The following ZSWIM5 variants were observed in gnomAD, a reference collection of about 807,000 sequenced individuals.
The protein encoded by ZSWIM5 is zinc finger SWIM-type containing 5, also known as zinc finger SWIM domain-containing protein 5.
Under a neutral mutation model 119.6 loss-of-function variants are expected in ZSWIM5, and 55 were observed. That is an observed-to-expected ratio of 0.46 (90% CI 0.37 to 0.58). The LOEUF (loss-of-function observed/expected upper bound fraction) is 0.58, where lower values mean the gene tolerates loss of function less well. Ranked by LOEUF, ZSWIM5 falls within the 20% of genes least tolerant of loss-of-function variation. The pLI is 0.00. For missense variants in ZSWIM5, 1,193 were observed against 1,512.8 expected (o/e 0.79, Z 3.51); for synonymous variants, 537 against 606.9 (o/e 0.88, Z 1.69).
At chr1:45,113,402 C>T (rs1264569483) in intron 1 of ZSWIM5, among the ~76,000 whole-genome samples, 2 of 152,104 alleles carry the variant, frequency 1.3e-5, no homozygotes, top group African/African-American at 4.8e-5. Context: ...CAGGGTCTTG[C>T]TGTGTTGCCT....
In ZSWIM5 at chr1:45,180,056, C is replaced by A. The variant is rs147564404; in HGVS notation, c.595+25700G>T. On this transcript the variant is annotated intron_variant, in intron 1 of 13. Transcript: ENST00000359600. Reference sequence around the variant, plus strand: ...TCCATCTGAGGTACCGGGTTCATCTCACTAGGGAGTGCCAGATAGTGGGCA... The same window carrying A: ...TCCATCTGAGGTACCGGGTTCATCTAACTAGGGAGTGCCAGATAGTGGGCA... Among the ~76,000 whole-genome samples the A allele has an allele frequency of 4.7e-3, 714 of 152,268 alleles. 10 individuals carry two copies. Among genetic ancestry groups the A allele is most frequent in the African/African-American group, 0.016 (673 of 41,562 alleles).
At chr1:45,152,470 C>T (rs1168563822) in intron 1 of ZSWIM5, among the ~76,000 whole-genome samples, 1 of 152,088 alleles carries the variant, frequency 6.6e-6, no homozygotes, top group African/African-American at 2.4e-5. Context: ...GCCATCTGAT[C>T]TTTGACAAAG....
intron 1 of ZSWIM5, among the ~76,000 whole-genome samples, chr1:45,095,324 A>G (rs931150245): frequency 6.6e-6 from 1 of 151,834 alleles, no homozygotes; most frequent in Non-Finnish European, 1.5e-5. Context: ...TGGGGTCTCA[A>G]TGTGTTGTCC....
chr1:45,104,849 G>C (rs1645460365), intron 1 of ZSWIM5, among the ~76,000 whole-genome samples: 1 of 152,194 alleles, frequency 6.6e-6, no homozygotes, highest in African/African-American at 2.4e-5. Context: ...TCAGCAGCCA[G>C]TGGTCTCTGT....
intron 2 of ZSWIM5, among the ~76,000 whole-genome samples, chr1:45,062,283 C>G (rs1645157026): frequency 6.6e-6 from 1 of 152,116 alleles, no homozygotes; most frequent in African/African-American, 2.4e-5. Flanking sequence ...TGCCTTACTC[C>G]TCGTCTCCCT....
intron 11 of ZSWIM5, 70 bp from the exon 12 acceptor site, chr1:45,020,858 A>G: frequency 6.6e-7 from 1 of 1,521,566 alleles, no homozygotes; most frequent in South Asian, 1.2e-5. Context: ...ACTGCAATAG[A>G]TACTCATTGA....
chr1:45,171,281 C>T (rs1044506907), intron 1 of ZSWIM5, among the ~76,000 whole-genome samples: 27 of 152,018 alleles, frequency 1.8e-4, no homozygotes, highest in African/African-American at 4.1e-4. Flanking sequence ...GTAATACAAA[C>T]GCCAAATACA....
intron 10 of ZSWIM5, 68 bp downstream of exon 10, chr1:45,035,620 G>A (rs1223375923): frequency 3.8e-6 from 6 of 1,562,536 alleles, no homozygotes; most frequent in African/African-American, 2.7e-5. Flanking sequence ...AGTGAAATAA[G>A]CAATGAAAAA....
In ZSWIM5 at chr1:45,167,413, G is replaced by T. The variant is rs572004510; in HGVS notation, c.595+38343C>A. On this transcript the variant is annotated intron_variant, in intron 1 of 13. Transcript: ENST00000359600. The stretch of plus-strand genomic sequence containing the variant: ...AATACCATTCAGGACATAGGCATGG[G>T]CAAGGACTTCATGTCTAAAACACCA... Among the ~76,000 whole-genome samples, 259 of 151,908 alleles carry T rather than the reference G, an allele frequency of 1.7e-3. 2 individuals are homozygous for T. The highest frequency in any genetic ancestry group is 4.9e-3 in the African/African-American group (203 of 41,380).
rs1646158266 is a variant in ZSWIM5 at position 45,201,509 on chromosome 1, T to TA, written c.595+4246_595+4247insT. The stretch of plus-strand genomic sequence containing the variant: ...TTCATATAACCCTCACCATAATAGA[T>TA]TACTGACAGTTAATGTCTTGTTTTT... On this transcript the variant is annotated intron_variant, in intron 1 of 13. Coordinates refer to ENST00000359600, the MANE Select transcript of ZSWIM5 (RefSeq NM_020883.2). 1.3e-5 allele frequency among the ~76,000 whole-genome samples: 2 copies of TA among 152,170 alleles called. 1 individual carries two copies. Among genetic ancestry groups the TA allele is most frequent in the Non-Finnish European group, 2.9e-5 (2 of 68,024 alleles).
chr1:45,193,955 T>TATATATATATATATATATATAC (rs1553202842), intron 1 of ZSWIM5, among the ~76,000 whole-genome samples: 1 of 151,678 alleles, frequency 6.6e-6, no homozygotes, highest in African/African-American at 2.4e-5. Context: ...TATATATATA[T>TATATATATATATATATATATAC]ACATACATGC....
intron 1 of ZSWIM5, among the ~76,000 whole-genome samples, chr1:45,137,607 C>T (rs1328260408): frequency 6.6e-6 from 1 of 152,102 alleles, no homozygotes; most frequent in Non-Finnish European, 1.5e-5. Flanking sequence ...ATGTGAATAT[C>T]TGAGTCAAAA....
At chr1:45,108,711 A>G (rs528658727) in intron 1 of ZSWIM5, among the ~76,000 whole-genome samples, 1 of 152,114 alleles carries the variant, frequency 6.6e-6, no homozygotes, top group East Asian at 1.9e-4. Flanking sequence ...AAATATTATT[A>G]TGTTAATGTT....
chr1:45,060,210 A>T lies in ZSWIM5; in HGVS notation c.990T>A (p.Asp330Glu), dbSNP rs1183968431. ...CTTCATCCAAATGCCAACAGTTCTC[A>T]TCGTCAATGCTGGCCCCAGCTGTGG... ...PDPTAGASID[D>E]ENCWHLDEEQ... The change falls in exon 3 of 14, where the codon GAT (aspartate) becomes GAA (glutamate). Residue 330 changes from aspartate (D) to glutamate (E), a missense_variant. Physicochemically the swap from Asp to Glu is conservative, Grantham distance 45 (BLOSUM62 2). This residue lies in a region of ZSWIM5 where 961 missense variants were observed against 1,290.0 expected (regional missense o/e 0.74). Transcript: ENST00000359600. The T allele has an allele frequency of 6.2e-7, 1 of 1,613,220 alleles. No homozygotes were observed. Among genetic ancestry groups the T allele is most frequent in the Admixed American group, 1.7e-5 (1 of 60,010 alleles).
rs940620775 is a variant in ZSWIM5 at position 45,016,908 on chromosome 1, A to G, written c.*1546T>C. ...AGACAGGACTGCCCACTAGGGCTAG[A>G]AATTAGGAAGGGAGAGGCTAAGTGC... On this transcript the variant is annotated 3_prime_UTR_variant, in exon 14 of 14. Coordinates refer to ENST00000359600, the MANE Select transcript of ZSWIM5 (RefSeq NM_020883.2). 6.6e-6 allele frequency: 1 copy of G among 152,314 alleles called. No homozygotes were observed. Among genetic ancestry groups the G allele is most frequent in the Non-Finnish European group, 1.5e-5 (1 of 68,076 alleles). 9.4% of individuals were successfully genotyped at this position (152,314 alleles called of 1,614,324 possible). A position where few individuals can be genotyped will look rare whatever the true frequency, so the allele number is the denominator to read the frequency against.
At chr1:45,045,175 A>T (rs1645046918) in intron 5 of ZSWIM5, among the ~76,000 whole-genome samples, 1 of 151,982 alleles carries the variant, frequency 6.6e-6, no homozygotes, top group South Asian at 2.1e-4. Flanking sequence ...CAAATGGAAG[A>T]TATCTTGCCA....
At chr1:45,040,262 G>T in intron 7 of ZSWIM5, 130 bp downstream of exon 7, 1 of 1,001,714 alleles carries the variant, frequency 1.0e-6, no homozygotes, top group South Asian at 2.2e-5. Context: ...CATTCATAAA[G>T]ATAAAGTGAG....
At chr1:45,046,748 A>G (rs1645057409) in intron 5 of ZSWIM5, among the ~76,000 whole-genome samples, 1 of 151,734 alleles carries the variant, frequency 6.6e-6, no homozygotes. Context: ...GGTGGTAGCC[A>G]GGCGCGGTGG....
intron 1 of ZSWIM5, among the ~76,000 whole-genome samples, chr1:45,127,781 A>G (rs149779955): frequency 3.4e-3 from 514 of 152,276 alleles, no homozygotes; most frequent in African/African-American, 0.012. Flanking sequence ...GTCAGGTCAC[A>G]TGACATAAGA....
Sources: gnomAD v4.1 joint callset for allele counts (sites outside exome capture counted in the v4.1 genomes callset) on GRCh38, gnomAD v4.1.1 for gene constraint, gnomAD v4.1.1 regional missense constraint, MANE v1.5 for transcripts, NCBI Gene and HGNC (gene_info 2026-07-23, HGNC 2026-07-21) for gene names.